CNTN4: variants seen among roughly 807,000 people sequenced by gnomAD.
The protein encoded by CNTN4 is contactin-4.
Under a neutral mutation model 122.5 loss-of-function variants are expected in CNTN4, and 77 were observed. The ratio of observed to expected loss-of-function variants is 0.63; its 90% CI spans 0.52 to 0.76. The LOEUF (loss-of-function observed/expected upper bound fraction) is 0.76, where lower values mean the gene tolerates loss of function less well. Among genes scored for constraint, CNTN4 ranks in the 30% least tolerant of loss-of-function variants. CNTN4 has a pLI of 0.00. For missense variants in CNTN4, 1,256 were observed against 1,259.1 expected (o/e 1.00, Z 0.04); for synonymous variants, 512 against 447.0 (o/e 1.15, Z -1.83).
chr3:2,785,625 T>A (rs1033221488), intron 6 of CNTN4, among the ~76,000 whole-genome samples: 2 of 152,194 alleles, frequency 1.3e-5, no homozygotes, highest in African/African-American at 4.8e-5. Flanking sequence ...CAACTGGTTT[T>A]GTGATAGATG....
intron 4 of CNTN4, among the ~76,000 whole-genome samples, chr3:2,592,863 A>G (rs1285329527): frequency 6.6e-6 from 1 of 152,236 alleles, no homozygotes; most frequent in Admixed American, 6.5e-5. Flanking sequence ...AAATGCTCAC[A>G]TAGATGTTAG....
rs544889591 is a variant in CNTN4, at chr3:2,201,742, A to C, written c.-145+101103A>C. Among the ~76,000 whole-genome samples the C allele has an allele frequency of 7.9e-5, 12 of 152,244 alleles. No individual in the cohort carries two copies. The East Asian group carries it at 2.1e-3, about 27-fold the overall frequency. On this transcript the variant is annotated intron_variant, in intron 2 of 24. Coordinates refer to ENST00000418658, the MANE Select transcript of CNTN4 (RefSeq NM_175607.3). ...CAGCTGGCATGCGCTGCTGGCAAAA[A>C]AGGATATTTTTTTAAATTTTTATTT...
chr3:2,705,037 A>G (rs4518108), intron 4 of CNTN4, among the ~76,000 whole-genome samples: 121,000 of 151,484 alleles, frequency 0.8, 48,661 homozygotes, highest in African/African-American at 0.9. Flanking sequence ...ATATGTGTGT[A>G]TATATATATA....
chr3:2,668,732 T>C (rs2084319837), intron 4 of CNTN4, among the ~76,000 whole-genome samples: 1 of 152,192 alleles, frequency 6.6e-6, no homozygotes, highest in Non-Finnish European at 1.5e-5. Flanking sequence ...TGTGGGTTTG[T>C]CATAGATAGT....
intron 2 of CNTN4, among the ~76,000 whole-genome samples, chr3:2,223,023 T>C (rs1182734885): frequency 6.6e-6 from 1 of 152,240 alleles, no homozygotes; most frequent in Non-Finnish European, 1.5e-5. Flanking sequence ...CCATGTTTTA[T>C]GCCCCATTTT....
At chr3:2,386,234 G>A (rs537175333) in intron 3 of CNTN4, among the ~76,000 whole-genome samples, 3 of 151,226 alleles carry the variant, frequency 2.0e-5, no homozygotes, top group Non-Finnish European at 4.4e-5. Flanking sequence ...TCAAACATTT[G>A]CTTGAATTCT....
Position 2,101,464 on chromosome 3 carries a change from T to C in CNTN4, c.-145+825T>C, listed in dbSNP as rs573052725. Reference sequence around the variant, plus strand: ...CTTCAATCTCTCTTATCTTAAAAATTAATATTTTGTAAAAACTTGCTTTTA... The same window carrying C: ...CTTCAATCTCTCTTATCTTAAAAATCAATATTTTGTAAAAACTTGCTTTTA... On this transcript the variant is annotated intron_variant, in intron 2 of 24. Transcript: ENST00000418658. Among the ~76,000 whole-genome samples the C allele has an allele frequency of 1.2e-4, 19 of 152,336 alleles. No individual in the cohort carries two copies. The South Asian group carries it at 3.7e-3, about 30-fold the overall frequency.
chr3:2,843,798 T>C (rs1399779663), intron 7 of CNTN4, among the ~76,000 whole-genome samples: 1 of 152,138 alleles, frequency 6.6e-6, no homozygotes, highest in African/African-American at 2.4e-5. Flanking sequence ...ATGAGCCAAT[T>C]AAGCTAATTT....
chr3:2,284,365 A>G (rs1342163518), intron 2 of CNTN4, among the ~76,000 whole-genome samples: 1 of 152,142 alleles, frequency 6.6e-6, no homozygotes, highest in East Asian at 1.9e-4. Flanking sequence ...ATACATATCA[A>G]AACTTAGCTT....
intron 3 of CNTN4, among the ~76,000 whole-genome samples, chr3:2,388,374 G>A (rs7637887): frequency 0.022 from 3,333 of 152,294 alleles, 121 homozygotes; most frequent in African/African-American, 0.076. Flanking sequence ...ATGAAGAGCT[G>A]AGATTTGGGA....
intron 13 of CNTN4, among the ~76,000 whole-genome samples, chr3:2,935,069 C>A (rs1204919052): frequency 6.6e-6 from 1 of 152,194 alleles, no homozygotes; most frequent in Admixed American, 6.5e-5. Flanking sequence ...TCAGAATCCA[C>A]AGGCCCAGTC....
intron 5 of CNTN4, among the ~76,000 whole-genome samples, chr3:2,741,704 C>T (rs1044779062): frequency 9.2e-5 from 14 of 152,290 alleles, no homozygotes; most frequent in African/African-American, 1.9e-4. Context: ...GTTTGCCTTG[C>T]GTAGCCAAGT....
chr3:2,575,809 C>CTTTTTTTT (rs56303805), intron 4 of CNTN4, among the ~76,000 whole-genome samples: 9 of 101,250 alleles, frequency 8.9e-5, no homozygotes, highest in African/African-American at 1.9e-4. Flanking sequence ...TCTTCTTCTT[C>CTTTTTTTT]TTTTTTTTTT....
chr3:2,168,578 TAA>T (rs1346987429), intron 2 of CNTN4, among the ~76,000 whole-genome samples: 1 of 151,782 alleles, frequency 6.6e-6, no homozygotes, highest in African/African-American at 2.4e-5. Flanking sequence ...AATAAATTAA[TAA>T]AAAGTGAATA....
chr3:2,578,363 C>G (rs948255872), intron 4 of CNTN4, among the ~76,000 whole-genome samples: 3 of 152,122 alleles, frequency 2.0e-5, no homozygotes, highest in African/African-American at 7.2e-5. Flanking sequence ...TCTATCTACT[C>G]AGAATATTTC....
chr3:2,499,757 A>G (rs576166724), intron 3 of CNTN4, among the ~76,000 whole-genome samples: 1 of 152,256 alleles, frequency 6.6e-6, no homozygotes, highest in East Asian at 1.9e-4. Context: ...AAGTTTTAAA[A>G]TGTCTACTAA....
At chr3:2,145,924 T>C (rs940726969) in intron 2 of CNTN4, among the ~76,000 whole-genome samples, 1 of 148,760 alleles carries the variant, frequency 6.7e-6, no homozygotes. Flanking sequence ...GATGCTGTAA[T>C]TACTACACTG....
intron 2 of CNTN4, among the ~76,000 whole-genome samples, chr3:2,292,051 A>G (rs2042155249): frequency 6.6e-6 from 1 of 152,154 alleles, no homozygotes; most frequent in South Asian, 2.1e-4. Context: ...TAATATTTTA[A>G]TGCCATTTTT....
At chr3:3,048,932 A>C (rs1317875889) in intron 23 of CNTN4, among the ~76,000 whole-genome samples, 2 of 152,214 alleles carry the variant, frequency 1.3e-5, no homozygotes, top group Non-Finnish European at 2.9e-5. Context: ...TTATGGCATT[A>C]GAGCTAAAAG....
Sources: allele counts gnomAD v4.1 joint callset (sites outside exome capture counted in the v4.1 genomes callset), GRCh38; gene constraint gnomAD v4.1.1; transcripts MANE v1.5; gene names NCBI Gene and HGNC (gene_info 2026-07-23, HGNC 2026-07-21).